IGF2BP2: variants seen among roughly 807,000 people sequenced by gnomAD.
IGF2BP2 encodes the protein insulin-like growth factor 2 mRNA-binding protein 2.
Under a neutral mutation model 75.8 loss-of-function variants are expected in IGF2BP2, and 17 were observed. The observed-to-expected ratio is 0.22, with a 90% CI of 0.15 to 0.34. The LOEUF (loss-of-function observed/expected upper bound fraction) is 0.34, where lower values mean the gene tolerates loss of function less well. Ranked by LOEUF, IGF2BP2 falls within the 10% of genes least tolerant of loss-of-function variation. IGF2BP2 has a pLI of 1.00. For synonymous variants in IGF2BP2, 288 were observed against 295.6 expected (o/e 0.97, Z 0.26); for missense variants, 516 against 772.4 (o/e 0.67, Z 3.93).
intron 10 of IGF2BP2, among the ~76,000 whole-genome samples, chr3:185,666,142 T>G (rs1717587966): frequency 1.3e-5 from 2 of 152,316 alleles, no homozygotes; most frequent in South Asian, 4.1e-4. Context: ...CAGAAAGGCT[T>G]AGAAATTATA....
rs1165939543 is a variant in IGF2BP2, at chr3:185,665,217, AGAGGAG to A, written c.1201-6814_1201-6809del. Among the ~76,000 whole-genome samples, 6 of 135,540 alleles carry A rather than the reference AGAGGAG, an allele frequency of 4.4e-5. No individual in the cohort carries two copies. In the South Asian group the frequency reaches 7.7e-4, roughly 17 times the overall value. 88.9% of individuals were successfully genotyped at this position (135,540 alleles called of 152,430 possible). On this transcript the variant is annotated intron_variant, in intron 10 of 15. Coordinates refer to ENST00000382199, the MANE Select transcript of IGF2BP2 (RefSeq NM_006548.6). ...AGAAGAAGGAGAAGAAGGAGAAGGA[AGAGGAG>A]GAGGAGGAGGAGGAGAAGGAGAAGA...
In IGF2BP2 at chr3:185,644,245, T is replaced by G. The variant is rs1713127065; in HGVS notation, c.*1286A>C. ...TGAGGTAGCTTCTTCTGTGTGTTTTTCTCGTTAAAAAAATCTGTGAATTTA... is the reference window on the plus strand; with the variant it reads ...TGAGGTAGCTTCTTCTGTGTGTTTTGCTCGTTAAAAAAATCTGTGAATTTA... On this transcript the variant is annotated 3_prime_UTR_variant, in exon 16 of 16. Transcript: ENST00000382199. 6.6e-6 allele frequency: 1 copy of G among 152,580 alleles called. No individual in the cohort carries two copies. The highest frequency in any genetic ancestry group is 1.9e-4 in the East Asian group (1 of 5,186). 9.5% of individuals were successfully genotyped at this position (152,580 alleles called of 1,614,324 possible).
intron 7 of IGF2BP2, among the ~76,000 whole-genome samples, chr3:185,679,815 C>T (rs2149266573): frequency 6.6e-6 from 1 of 152,218 alleles, no homozygotes; most frequent in East Asian, 1.9e-4. Context: ...GAGGTTTCAC[C>T]ATGTTGGCCA....
intron 13 of IGF2BP2, among the ~76,000 whole-genome samples, chr3:185,651,386 TC>T (rs1714576066): frequency 6.6e-6 from 1 of 151,984 alleles, no homozygotes; most frequent in South Asian, 2.1e-4. Context: ...CTTTTCCTTT[TC>T]GTTAGAGATG....
chr3:185,786,429 T>C (rs1486250341), intron 2 of IGF2BP2, among the ~76,000 whole-genome samples: 2 of 152,222 alleles, frequency 1.3e-5, no homozygotes, highest in African/African-American at 4.8e-5. Flanking sequence ...CTGCCTTCAC[T>C]GATGACATTC....
intron 2 of IGF2BP2, among the ~76,000 whole-genome samples, chr3:185,812,194 G>T (rs1283941382): frequency 1.3e-5 from 2 of 152,102 alleles, no homozygotes; most frequent in Non-Finnish European, 2.9e-5. Flanking sequence ...CAGATAAGAG[G>T]AGGGCTGCTC....
intron 10 of IGF2BP2, among the ~76,000 whole-genome samples, chr3:185,662,405 G>A (rs1257352094): frequency 6.6e-6 from 1 of 151,398 alleles, no homozygotes; most frequent in Non-Finnish European, 1.5e-5. Context: ...TTGAACCCGG[G>A]AGGCGGAGGT....
At chr3:185,813,681 T>C (rs940656106) in intron 2 of IGF2BP2, among the ~76,000 whole-genome samples, 1 of 152,220 alleles carries the variant, frequency 6.6e-6, no homozygotes, top group Admixed American at 6.5e-5. Flanking sequence ...GTTAGACCCC[T>C]ACAACCATCG....
rs1191117191 is a variant in IGF2BP2 at position 185,657,511 on chromosome 3, G to T, written c.1270-109C>A. ...ATGAACCCCATGGTGGGAAGGCCCC[G>T]CCACCCAAGGAAATGGCCAAAATGG... On this transcript the variant is annotated intron_variant, in intron 11 of 15. Transcript: ENST00000382199. The T allele has an allele frequency of 4.6e-5, 37 of 805,930 alleles. No homozygotes were observed. The East Asian group carries it at 9.3e-4, about 20-fold the overall frequency. 49.9% of individuals were successfully genotyped at this position (805,930 alleles called of 1,614,324 possible). A position where few individuals can be genotyped will look rare whatever the true frequency, so the allele number is the denominator to read the frequency against.
intron 2 of IGF2BP2, among the ~76,000 whole-genome samples, chr3:185,793,098 T>G (rs999616541): frequency 3.9e-5 from 6 of 152,230 alleles, no homozygotes; most frequent in Admixed American, 3.9e-4. Flanking sequence ...GGCTACTGAT[T>G]CTATTCTAGT....
intron 2 of IGF2BP2, chr3:185,712,694 G>A (rs1468909269): frequency 6.6e-6 from 1 of 151,848 alleles, no homozygotes; most frequent in African/African-American, 2.4e-5. Context: ...TATCCCACAT[G>A]GACCTTAGGC....
chr3:185,652,126 T>C lies in IGF2BP2; in HGVS notation c.1429A>G (p.Ile477Val), dbSNP rs747297276. The change falls in exon 13 of 16, where the codon ATC (isoleucine) becomes GTC (valine). Residue 477 changes from isoleucine to valine, a missense_variant. By Grantham distance (29) the Ile-to-Val change is conservative. Around this residue, in one of 3 missense-constraint regions of IGF2BP2, gnomAD observed 129 missense variants for 230.5 expected, o/e 0.56. Coordinates refer to ENST00000382199, the MANE Select transcript of IGF2BP2 (RefSeq NM_006548.6). ...TGGGCTTCCGGTGGCCCGGTGATGA[T>C]GACCATCCTTTCGCTGACGTCTGGG... ...EGPDVSERMV[I>V]ITGPPEAQFK... The C allele has an allele frequency of 3.7e-6, 6 of 1,613,048 alleles. No homozygotes were observed. Among genetic ancestry groups the C allele is most frequent in the Admixed American group, 3.3e-5 (2 of 59,956 alleles).
chr3:185,689,625 G>A lies in IGF2BP2; in HGVS notation c.407C>T (p.Ala136Val), dbSNP rs1189145515. 4 of 1,614,024 alleles carry A rather than the reference G, an allele frequency of 2.5e-6. No homozygotes were observed. The highest frequency in any genetic ancestry group is 1.7e-5 in the Admixed American group (1 of 60,020). Residue 136 changes from alanine (A) to valine (V), a missense_variant and splice_region_variant, in exon 6 of 16, where the codon GCC becomes GTC. Physicochemically the swap from Ala to Val is moderately conservative, Grantham distance 64. This residue lies in a region of IGF2BP2 where 312 missense variants were observed against 474.5 expected (regional missense o/e 0.66). Transcript: ENST00000382199. ...CTGATGCCCGCTTAGCTTCTCCATGGCTCTGAAATGCAGCAGGACAGGGGA... is the reference window on the plus strand; with the variant it reads ...CTGATGCCCGCTTAGCTTCTCCATGACTCTGAAATGCAGCAGGACAGGGGA... ...TYATREEAKIAMEKLSGHQFE... is the reference protein window; with the variant it reads ...TYATREEAKIVMEKLSGHQFE...
intron 2 of IGF2BP2, among the ~76,000 whole-genome samples, chr3:185,789,782 G>A (rs1736398830): frequency 7.7e-6 from 1 of 129,600 alleles, no homozygotes; most frequent in African/African-American, 2.9e-5. Flanking sequence ...CACCCAGGCT[G>A]TAATGCAGTG....
chr3:185,763,925 C>T lies in IGF2BP2; in HGVS notation c.239+59228G>A, dbSNP rs140714871. 1.9e-3 allele frequency among the ~76,000 whole-genome samples: 286 copies of T among 152,082 alleles called. 1 individual carries two copies. Among genetic ancestry groups the T allele is most frequent in the African/African-American group, 6.6e-3 (273 of 41,482 alleles). On this transcript the variant is annotated intron_variant, in intron 2 of 15. Coordinates refer to ENST00000382199, the MANE Select transcript of IGF2BP2 (RefSeq NM_006548.6). ...AGGGGCATGAGCAAAGGCAAAGCAC[C>T]AAATGTATTTGGTGACAGTGGGTAA... is the stretch of plus-strand genomic sequence containing the variant.
chr3:185,657,457 G>A, intron 11 of IGF2BP2, 55 bp from the exon 12 acceptor site: 1 of 1,365,888 alleles, frequency 7.3e-7, no homozygotes, highest in Non-Finnish European at 1.0e-6. Context: ...TTCTCCTCCA[G>A]GCACTCAACA....
intron 2 of IGF2BP2, among the ~76,000 whole-genome samples, chr3:185,720,354 T>C (rs1239238781): frequency 6.6e-6 from 1 of 152,216 alleles, no homozygotes; most frequent in Non-Finnish European, 1.5e-5. Flanking sequence ...ATTAATTAAT[T>C]TATTTTTTAG....
Position 185,687,141 on chromosome 3 carries a change from G to A in IGF2BP2, c.728C>T (p.Thr243Ile), listed in dbSNP as rs769115172. 24 of 1,613,526 alleles carry A rather than the reference G, an allele frequency of 1.5e-5. No individual in the cohort carries two copies. Among genetic ancestry groups the A allele is most frequent in the Non-Finnish European group, 2.0e-5 (24 of 1,179,902 alleles). ...AGTCCCCTCTGGGGTGGCATGGATGGTGACAGGCTTCTCTGCAGCTCCAGA... is the reference window on the plus strand; with the variant it reads ...AGTCCCCTCTGGGGTGGCATGGATGATGACAGGCTTCTCTGCAGCTCCAGA... Reference protein sequence around the residue: ...ENSGAAEKPVTIHATPEGTSE... With the variant: ...ENSGAAEKPVIIHATPEGTSE... Residue 243 changes from threonine (T) to isoleucine (I), a missense_variant, in exon 7 of 16, where the codon ACC becomes ATC. Transcript: ENST00000382199.
chr3:185,697,290 G>C (rs1359382105), intron 3 of IGF2BP2, among the ~76,000 whole-genome samples: 1 of 152,144 alleles, frequency 6.6e-6, no homozygotes, highest in Non-Finnish European at 1.5e-5. Context: ...ATTTTTAGTA[G>C]AGACGTGGTT....
Sources: gnomAD v4.1 joint callset for allele counts (sites outside exome capture counted in the v4.1 genomes callset) on GRCh38, gnomAD v4.1.1 for gene constraint, gnomAD v4.1.1 regional missense constraint, MANE v1.5 for transcripts, NCBI Gene and HGNC (gene_info 2026-07-23, HGNC 2026-07-21) for gene names.